DPP6: variants seen among roughly 807,000 people sequenced by gnomAD.
The protein encoded by DPP6 is dipeptidyl peptidase like 6, also known as A-type potassium channel modulatory protein DPP6.
Under a neutral mutation model 122.6 loss-of-function variants are expected in DPP6, and 69 were observed. That is an observed-to-expected ratio of 0.56 (90% CI 0.46 to 0.69). The LOEUF is 0.69. Ranked by LOEUF, DPP6 falls within the 30% of genes least tolerant of loss-of-function variation. The pLI, the probability that DPP6 is intolerant of heterozygous loss-of-function variation, is 0.00. For missense variants in DPP6, 928 were observed against 1,116.9 expected, an observed-to-expected ratio of 0.83 and a Z score of 2.41; for synonymous variants, 418 against 433.1, an observed-to-expected ratio of 0.97 and a Z score of 0.43.
the DPP6 span, among the ~76,000 whole-genome samples, chr7:153,831,264 G>A: frequency 3.8e-4 from 58 of 152,150 alleles, no homozygotes; most frequent in Admixed American, 2.0e-3. Flanking sequence ...TTTTCATAGC[G>A]TTAATATTCT....
chr7:154,492,031 C>A (rs1489848566), intron 3 of DPP6, among the ~76,000 whole-genome samples: 1 of 152,158 alleles, frequency 6.6e-6, no homozygotes, highest in Non-Finnish European at 1.5e-5. Flanking sequence ...AAAGTAGCAT[C>A]CTTGGAGCAT....
intron 16 of DPP6, among the ~76,000 whole-genome samples, chr7:154,808,262 G>A (rs10247251): frequency 0.046 from 6,948 of 152,204 alleles, 485 homozygotes; most frequent in African/African-American, 0.16. Context: ...TCATGACTTC[G>A]TTCTCTTTTT....
intron 5 of DPP6, among the ~76,000 whole-genome samples, chr7:154,623,652 C>CGCACCCACGCGT (rs1834873098): frequency 3.2e-4 from 2 of 6,174 alleles, no homozygotes; most frequent in South Asian, 6.3e-3. Flanking sequence ...CGCGCACACA[C>CGCACCCACGCGT]GCGCACACAC....
At chr7:154,011,190 G>T (rs1303578702) in intron 1 of DPP6, among the ~76,000 whole-genome samples, 1 of 152,190 alleles carries the variant, frequency 6.6e-6, no homozygotes, top group Admixed American at 6.5e-5. Flanking sequence ...ACCCAGCTCT[G>T]TTCCTGAAGG....
chr7:154,846,928 G>T (rs1462347534), intron 16 of DPP6, among the ~76,000 whole-genome samples: 1 of 124,478 alleles, frequency 8.0e-6, no homozygotes, highest in Non-Finnish European at 1.8e-5. Flanking sequence ...AATTCATTCT[G>T]CATGCTCTAT....
intron 16 of DPP6, among the ~76,000 whole-genome samples, chr7:154,831,303 C>T (rs975128653): frequency 6.6e-6 from 1 of 152,204 alleles, no homozygotes; most frequent in Non-Finnish European, 1.5e-5. Flanking sequence ...CTTCAATCAC[C>T]GGTTGACCAC....
chr7:153,962,801 A>T (rs1281589141), intron 1 of DPP6, among the ~76,000 whole-genome samples: 2 of 152,132 alleles, frequency 1.3e-5, no homozygotes, highest in African/African-American at 4.8e-5. Context: ...CACCCCACAA[A>T]TACTCTACAT....
chr7:154,613,882 G>A (rs753084243), intron 5 of DPP6, among the ~76,000 whole-genome samples: 10 of 152,168 alleles, frequency 6.6e-5, no homozygotes, highest in Non-Finnish European at 1.5e-4. Flanking sequence ...CTGAGCAGCA[G>A]GACCTCCATC....
chr7:154,569,108 A>AAAATACCTCAGTTGTGAAATATCC lies in DPP6; in HGVS notation c.627+2192_627+2193insAAATACCTCAGTTGTGAAATATCC, dbSNP rs1563868671. 1.1e-4 allele frequency among the ~76,000 whole-genome samples: 17 copies of AAAATACCTCAGTTGTGAAATATCC among 152,106 alleles called. 1 individual carries two copies. Among genetic ancestry groups the AAAATACCTCAGTTGTGAAATATCC allele is most frequent in the African/African-American group, 3.9e-4 (16 of 41,424 alleles). On this transcript the variant is annotated intron_variant, in intron 5 of 25. Transcript: ENST00000377770. ...AATCCACAAAATATGTAATAAAAGG[A>AAAATACCTCAGTTGTGAAATATCC]TTACATATGGGATTCTGCATGAGAA... is the stretch of plus-strand genomic sequence containing the variant.
intron 6 of DPP6, among the ~76,000 whole-genome samples, chr7:154,658,458 T>A (rs1202980526): frequency 5.3e-5 from 8 of 152,134 alleles, no homozygotes; most frequent in African/African-American, 1.9e-4. Context: ...CAGGAGGAAG[T>A]GCTGGCCGAG....
intron 7 of DPP6, among the ~76,000 whole-genome samples, chr7:154,709,246 A>G (rs967639280): frequency 6.6e-5 from 10 of 152,240 alleles, no homozygotes; most frequent in Non-Finnish European, 1.5e-4. Context: ...TGGTCCAGGC[A>G]GGAGTTCACT....
chr7:153,763,640 T>G, the DPP6 span, among the ~76,000 whole-genome samples: 1 of 152,156 alleles, frequency 6.6e-6, no homozygotes, highest in Non-Finnish European at 1.5e-5. Flanking sequence ...TAGAAAAGTG[T>G]GAATAGAAAT....
At chr7:154,336,523 A>G (rs904554311) in intron 1 of DPP6, among the ~76,000 whole-genome samples, 2 of 152,192 alleles carry the variant, frequency 1.3e-5, no homozygotes, top group Admixed American at 6.5e-5. Flanking sequence ...ACCATAGGAC[A>G]GGGCTTCCTG....
chr7:154,846,806 T>TA (rs1419442497), intron 16 of DPP6, among the ~76,000 whole-genome samples: 1 of 152,246 alleles, frequency 6.6e-6, no homozygotes, highest in African/African-American at 2.4e-5. Context: ...TTACAACTTT[T>TA]AAAAATTATT....
intron 4 of DPP6, among the ~76,000 whole-genome samples, chr7:154,546,202 G>GATATAT (rs1829173161): frequency 6.6e-6 from 1 of 152,052 alleles, no homozygotes; most frequent in African/African-American, 2.4e-5. Context: ...ATTTTAAAAA[G>GATATAT]ATACAATATA....
intron 1 of DPP6, among the ~76,000 whole-genome samples, chr7:154,257,581 C>T (rs941746863): frequency 1.3e-5 from 2 of 152,116 alleles, no homozygotes; most frequent in African/African-American, 4.8e-5. Flanking sequence ...CCTGTAATCC[C>T]AGCTACTTGG....
At chr7:154,719,397 A>G (rs1841678815) in intron 7 of DPP6, among the ~76,000 whole-genome samples, 1 of 150,688 alleles carries the variant, frequency 6.6e-6, no homozygotes, top group South Asian at 2.1e-4. Flanking sequence ...GGGTGGAAGG[A>G]AGGGAGGATG....
intron 10 of DPP6, among the ~76,000 whole-genome samples, chr7:154,773,601 T>G (rs1796389428): frequency 1.3e-5 from 2 of 152,068 alleles, no homozygotes; most frequent in Admixed American, 1.3e-4. Flanking sequence ...TTAAGGATAT[T>G]GATGAGAGAC....
intron 1 of DPP6, among the ~76,000 whole-genome samples, chr7:154,270,890 C>G (rs761651008): frequency 6.6e-6 from 1 of 152,146 alleles, no homozygotes; most frequent in African/African-American, 2.4e-5. Context: ...GTGTCTTCCC[C>G]CTTCACCTCC....
Sources: gnomAD v4.1 joint callset for allele counts (sites outside exome capture counted in the v4.1 genomes callset) on GRCh38, gnomAD v4.1.1 for gene constraint, MANE v1.5 for transcripts, NCBI Gene and HGNC (gene_info 2026-07-23, HGNC 2026-07-21) for gene names.